The following FGGY variants were observed in gnomAD, a reference collection of about 807,000 sequenced individuals.
FGGY encodes the protein FGGY carbohydrate kinase domain-containing protein.
In FGGY, 72 loss-of-function variants were observed where a neutral mutation model predicts 71.3. The observed-to-expected ratio is 1.01, with a 90% CI of 0.84 to 1.23. The LOEUF is 1.23. Ranked by LOEUF, FGGY falls within the 50% of genes most tolerant of loss-of-function variation. The pLI is 0.00. For synonymous variants in FGGY, 251 were observed against 250.3 expected (o/e 1.00, Z -0.02); for missense variants, 668 against 682.3 (o/e 0.98, Z 0.23).
chr1:59,692,514 A>G (rs1293071229), intron 14 of FGGY, among the ~76,000 whole-genome samples: 1 of 152,156 alleles, frequency 6.6e-6, no homozygotes, highest in Non-Finnish European at 1.5e-5. Context: ...TTTAAGCAAA[A>G]GGGAAAAAAA....
At chr1:59,663,034 G>A (rs989086066) in intron 12 of FGGY, among the ~76,000 whole-genome samples, 3 of 12,610 alleles carry the variant, frequency 2.4e-4, no homozygotes, top group Non-Finnish European at 3.5e-4. Context: ...AGGAGGACAT[G>A]AAGGATGAGG....
chr1:59,428,212 T>C (rs893135754), intron 5 of FGGY, among the ~76,000 whole-genome samples: 1 of 152,238 alleles, frequency 6.6e-6, no homozygotes, highest in African/African-American at 2.4e-5. Flanking sequence ...TACTCAGGGA[T>C]CTATTAACAA....
intron 12 of FGGY, among the ~76,000 whole-genome samples, chr1:59,665,187 G>A (rs964847063): frequency 6.6e-6 from 1 of 151,912 alleles, no homozygotes; most frequent in Non-Finnish European, 1.5e-5. Context: ...TTTTTTCTGG[G>A]GAGGTCAGTA....
chr1:59,631,583 G>T (rs2096909001), intron 10 of FGGY, among the ~76,000 whole-genome samples: 1 of 152,156 alleles, frequency 6.6e-6, no homozygotes. Flanking sequence ...TCTGAATCAA[G>T]AACCATGTGT....
At chr1:59,699,449 C>T (rs890453465) in intron 14 of FGGY, 1 of 961,764 alleles carries the variant, frequency 1.0e-6, no homozygotes, top group Non-Finnish European at 1.2e-6. Flanking sequence ...CTGTAGAGAA[C>T]ATTGCATGGG....
chr1:59,297,233 A>G (rs1402485969), intron 1 of FGGY, 83 bp downstream of exon 1: 2 of 152,458 alleles, frequency 1.3e-5, no homozygotes, highest in Non-Finnish European at 2.9e-5. Context: ...AGGTGTCTGG[A>G]ACCCGTGCTG....
At chr1:59,468,657 G>A (rs748504276) in intron 6 of FGGY, among the ~76,000 whole-genome samples, 110 of 152,204 alleles carry the variant, frequency 7.2e-4, no homozygotes, top group Non-Finnish European at 1.3e-3. Flanking sequence ...TGGATCATGG[G>A]GTCAGGAGAT....
intron 9 of FGGY, among the ~76,000 whole-genome samples, chr1:59,614,180 G>C (rs2096723468): frequency 6.6e-6 from 1 of 152,100 alleles, no homozygotes; most frequent in Non-Finnish European, 1.5e-5. Flanking sequence ...CCAAAGCCTG[G>C]CAGAGACACA....
At chr1:59,479,293 G>A (rs1431838871) in intron 6 of FGGY, among the ~76,000 whole-genome samples, 2 of 152,086 alleles carry the variant, frequency 1.3e-5, no homozygotes, top group Non-Finnish European at 2.9e-5. Context: ...AGAGAGATGG[G>A]GTGGTCACTA....
At chr1:59,613,161 A>G (rs537929654) in intron 9 of FGGY, among the ~76,000 whole-genome samples, 1 of 152,366 alleles carries the variant, frequency 6.6e-6, no homozygotes, top group East Asian at 1.9e-4. Context: ...ATAGACATCT[A>G]CAGAACTCTC....
chr1:59,610,570 C>T (rs1039182976), intron 9 of FGGY, among the ~76,000 whole-genome samples: 3 of 152,232 alleles, frequency 2.0e-5, no homozygotes, highest in Non-Finnish European at 4.4e-5. Context: ...CTCCAGTCTA[C>T]AGCTCCCAGC....
At chr1:59,572,390 G>C (rs903288116) in intron 8 of FGGY, among the ~76,000 whole-genome samples, 1 of 152,170 alleles carries the variant, frequency 6.6e-6, no homozygotes, top group Non-Finnish European at 1.5e-5. Flanking sequence ...AGAGAAGAAT[G>C]CTACAAGTAA....
At chr1:59,698,380 C>G (rs565890979) in intron 14 of FGGY, among the ~76,000 whole-genome samples, 5 of 152,114 alleles carry the variant, frequency 3.3e-5, no homozygotes, top group Non-Finnish European at 5.9e-5. Context: ...GTTCCCACCC[C>G]TTGGTCAGTA....
At chr1:59,506,379 C>A (rs2094383148) in intron 6 of FGGY, among the ~76,000 whole-genome samples, 1 of 151,884 alleles carries the variant, frequency 6.6e-6, no homozygotes, top group South Asian at 2.1e-4. Context: ...GAATACTATT[C>A]TGCATCTTGC....
At chr1:59,741,189 G>A (rs1157056728) in intron 14 of FGGY, among the ~76,000 whole-genome samples, 3 of 152,140 alleles carry the variant, frequency 2.0e-5, no homozygotes, top group Non-Finnish European at 4.4e-5. Context: ...CCAGCACTTT[G>A]GGAGGTTTGG....
chr1:59,531,766 T>C (rs960778708), intron 7 of FGGY, among the ~76,000 whole-genome samples: 10 of 152,200 alleles, frequency 6.6e-5, no homozygotes, highest in Non-Finnish European at 1.2e-4. Flanking sequence ...GTAAATCCTC[T>C]AGGTGTTATT....
chr1:59,448,417 G>C (rs568088058), intron 5 of FGGY, among the ~76,000 whole-genome samples: 26 of 152,228 alleles, frequency 1.7e-4, no homozygotes, highest in South Asian at 1.7e-3. Context: ...GGCAAAACCA[G>C]GAGAGCATTG....
In FGGY at chr1:59,463,837, C is replaced by G. The variant is rs527411309; in HGVS notation, c.670+6761C>G. ...TAACTATCCTAAATACATATGTGCC[C>G]AATATAGGAGCACCCAGATTCATAA... On this transcript the variant is annotated intron_variant, in intron 6 of 15. Transcript: ENST00000303721. Among the ~76,000 whole-genome samples the G allele has an allele frequency of 6.4e-4, 98 of 152,246 alleles. 1 individual carries two copies. The highest frequency in any genetic ancestry group is 1.5e-5 in the Non-Finnish European group (1 of 68,020).
intron 5 of FGGY, among the ~76,000 whole-genome samples, chr1:59,420,515 A>G (rs1033264052): frequency 6.6e-6 from 1 of 152,192 alleles, no homozygotes; most frequent in Non-Finnish European, 1.5e-5. Flanking sequence ...TTGGGAAGGT[A>G]TGATGAGAGG....
Sources: gnomAD v4.1 joint callset for allele counts (sites outside exome capture counted in the v4.1 genomes callset) on GRCh38, gnomAD v4.1.1 for gene constraint, MANE v1.5 for transcripts, NCBI Gene and HGNC (gene_info 2026-07-23, HGNC 2026-07-21) for gene names.